The following ABCB11 variants were observed in gnomAD, a reference collection of about 807,000 sequenced individuals.
ABCB11 encodes the protein ATP binding cassette subfamily B member 11.
A neutral mutation model predicts 148.0 loss-of-function variants in ABCB11; 95 were observed. That is an observed-to-expected ratio of 0.64 (90% CI 0.54 to 0.76). The LOEUF is 0.76. Among genes scored for constraint, ABCB11 ranks in the 30% least tolerant of loss-of-function variants. ABCB11 has a pLI of 0.00. For synonymous variants in ABCB11, 591 were observed against 555.4 expected (o/e 1.06, Z -0.90); for missense variants, 1,523 against 1,617.8 (o/e 0.94, Z 1.01).
At position 168,965,606 on chromosome 2, in the gene ABCB11, T is replaced by C. The variant is rs577599708; in HGVS notation, c.2076-1298A>G. On this transcript the variant is annotated intron_variant, in intron 17 of 27. Transcript: ENST00000650372. ...AAGTTGGGTTAGGTTTTCAGTCATT[T>C]GTAAACAGTCTTAATGGTTAAGAGG... Among the ~76,000 whole-genome samples the C allele has an allele frequency of 6.4e-4, 97 of 151,952 alleles. No homozygotes were observed. The Middle Eastern group carries it at 0.017, about 27-fold the overall frequency.
chr2:168,989,020 T>C (rs760089544), intron 9 of ABCB11, among the ~76,000 whole-genome samples: 2 of 152,130 alleles, frequency 1.3e-5, no homozygotes, highest in African/African-American at 2.4e-5. Flanking sequence ...CTTATATGTA[T>C]TGGATATTAA....
At chr2:168,945,850 C>T (rs1242684720) in intron 19 of ABCB11, among the ~76,000 whole-genome samples, 1 of 151,882 alleles carries the variant, frequency 6.6e-6, no homozygotes, top group Non-Finnish European at 1.5e-5. Flanking sequence ...ACTATCAAAG[C>T]ATTGACTGGA....
At chr2:168,929,697 G>A (rs941402705) in intron 25 of ABCB11, among the ~76,000 whole-genome samples, 5 of 152,180 alleles carry the variant, frequency 3.3e-5, no homozygotes, top group African/African-American at 1.2e-4. Context: ...TTTAGAAAGT[G>A]AGAATTCAAG....
intron 8 of ABCB11, among the ~76,000 whole-genome samples, chr2:168,993,432 G>T (rs1694607316): frequency 6.6e-6 from 1 of 152,038 alleles, no homozygotes; most frequent in Non-Finnish European, 1.5e-5. Context: ...GTAAAGATTA[G>T]AGATAATGAC....
intron 21 of ABCB11, among the ~76,000 whole-genome samples, chr2:168,937,339 C>T (rs1691877372): frequency 6.6e-6 from 1 of 152,058 alleles, no homozygotes; most frequent in Non-Finnish European, 1.5e-5. Flanking sequence ...CTTTCAAGTC[C>T]CTGCTTTCAA....
rs143195297 is a variant in ABCB11, at chr2:169,011,347, C to A, written c.389+1925G>T. Among the ~76,000 whole-genome samples, 344 of 152,222 alleles carry A rather than the reference C, an allele frequency of 2.3e-3. 3 individuals carry two copies. Among genetic ancestry groups the A allele is most frequent in the African/African-American group, 7.8e-3 (324 of 41,532 alleles). On this transcript the variant is annotated intron_variant, in intron 5 of 27. Coordinates refer to ENST00000650372, the MANE Select transcript of ABCB11 (RefSeq NM_003742.4). Reference sequence around the variant, plus strand: ...ATTAATCTTATGTTTTGTGGTCAAACCCCTCTGTAAAAAGCAGTTCACTTC... The same window carrying A: ...ATTAATCTTATGTTTTGTGGTCAAAACCCTCTGTAAAAAGCAGTTCACTTC...
intron 10 of ABCB11, among the ~76,000 whole-genome samples, chr2:168,980,441 C>T (rs948554138): frequency 2.0e-5 from 3 of 152,092 alleles, no homozygotes; most frequent in African/African-American, 7.2e-5. Flanking sequence ...CTGTTGTTAC[C>T]GCTATACTAA....
In ABCB11 at chr2:168,944,560, T is replaced by A. The variant is rs564465398; in HGVS notation, c.2610+45A>T. ...TTGTCAGAATGCTCTAATGAAAGAATGCCAATGCAGTTAATATACTTCTAT... is the reference window on the plus strand; with the variant it reads ...TTGTCAGAATGCTCTAATGAAAGAAAGCCAATGCAGTTAATATACTTCTAT... On this transcript the variant is annotated intron_variant, in intron 21 of 27. Transcript: ENST00000650372. The A allele has an allele frequency of 8.5e-6, 13 of 1,529,498 alleles. No individual in the cohort carries two copies. The East Asian group carries it at 2.7e-4, about 32-fold the overall frequency. The allele number at this position is 1,529,498 out of a possible 1,614,324, so 94.7% of individuals were successfully genotyped here.
intron 19 of ABCB11, among the ~76,000 whole-genome samples, chr2:168,951,985 C>T (rs1264907054): frequency 6.6e-6 from 1 of 151,572 alleles, no homozygotes; most frequent in Non-Finnish European, 1.5e-5. Flanking sequence ...TTTTCTGCAT[C>T]TATTGAAATG....
At position 168,969,716 on chromosome 2, in the gene ABCB11, C is replaced by T. The variant is rs541397260; in HGVS notation, c.1810-165G>A. Among the ~76,000 whole-genome samples, 161 of 152,118 alleles carry T rather than the reference C, an allele frequency of 1.1e-3. 1 individual carries two copies. In the Middle Eastern group the frequency reaches 0.014, roughly 13 times the overall value. On this transcript the variant is annotated intron_variant, in intron 15 of 27. Coordinates refer to ENST00000650372, the MANE Select transcript of ABCB11 (RefSeq NM_003742.4). ...AAAGGCCAGCACATTTTCTTGCAGC[C>T]ATAAACCCCAACACACACTGGCCCT...
chr2:168,928,816 T>C (rs909069337), intron 25 of ABCB11, among the ~76,000 whole-genome samples: 4 of 152,224 alleles, frequency 2.6e-5, no homozygotes, highest in Admixed American at 1.3e-4. Flanking sequence ...TCTAGGTTTA[T>C]TGGTTACCAA....
rs773884264 is a variant in ABCB11 at position 169,013,506 on chromosome 2, C to T, written c.155G>A (p.Arg52Gln). ...GVRVGFFQLF[R>Q]FSSSTDIWLM... ...CCAAATGTCAGTTGATGAAGAAAAC[C>T]GAAACTTGAAAAACAAAGGGTTCAG... Residue 52 changes from arginine to glutamine, a missense_variant, in exon 5 of 28, where the codon CGG (arginine) becomes CAG (glutamine). Physicochemically the swap from Arg to Gln is conservative, Grantham distance 43. Coordinates refer to ENST00000650372, the MANE Select transcript of ABCB11 (RefSeq NM_003742.4). The T allele has an allele frequency of 3.3e-5, 54 of 1,612,134 alleles. No individual in the cohort carries two copies. Among genetic ancestry groups the T allele is most frequent in the Middle Eastern group, 1.6e-4 (1 of 6,074 alleles).
intron 26 of ABCB11, among the ~76,000 whole-genome samples, chr2:168,926,355 C>G (rs1422927641): frequency 2.0e-5 from 3 of 152,164 alleles, no homozygotes; most frequent in African/African-American, 7.2e-5. Context: ...GGCAGTAATA[C>G]CAGTGGCCGC....
chr2:168,981,313 C>G lies in ABCB11; in HGVS notation c.1084-1334G>C, dbSNP rs543233360. On this transcript the variant is annotated intron_variant, in intron 10 of 27. Coordinates refer to ENST00000650372, the MANE Select transcript of ABCB11 (RefSeq NM_003742.4). Reference sequence around the variant, plus strand: ...GTGGGTTAGTCCACTCACGCTTTCTCCCTAGAATCCCAGCCTATGCATAGG... The same window carrying G: ...GTGGGTTAGTCCACTCACGCTTTCTGCCTAGAATCCCAGCCTATGCATAGG... Among the ~76,000 whole-genome samples the G allele has an allele frequency of 2.0e-5, 3 of 152,232 alleles. No homozygotes were observed. In the East Asian group the frequency reaches 5.8e-4, roughly 29 times the overall value.
chr2:168,966,648 T>C (rs370770466), intron 17 of ABCB11, among the ~76,000 whole-genome samples: 6 of 152,042 alleles, frequency 3.9e-5, no homozygotes, highest in Non-Finnish European at 5.9e-5. Flanking sequence ...ATTAAATTGT[T>C]CTTGAATTTA....
intron 8 of ABCB11, among the ~76,000 whole-genome samples, chr2:168,991,581 A>G (rs182941426): frequency 4.2e-4 from 64 of 152,222 alleles, no homozygotes; most frequent in African/African-American, 1.5e-3. Flanking sequence ...TAAGAAGAGG[A>G]AAAAACACAT....
In ABCB11 at chr2:169,031,270, C is replaced by A. The variant is rs1356383295; in HGVS notation, c.-73G>T. The A allele has an allele frequency of 6.6e-6, 1 of 152,200 alleles. No individual in the cohort carries two copies. The highest frequency in any genetic ancestry group is 2.4e-5 in the African/African-American group (1 of 41,448). 9.4% of individuals were successfully genotyped at this position (152,200 alleles called of 1,614,324 possible). On this transcript the variant is annotated 5_prime_UTR_variant, in exon 1 of 28. Coordinates refer to ENST00000650372, the MANE Select transcript of ABCB11 (RefSeq NM_003742.4). ...AAGCCAGAGGAAATAATGGACTCCA[C>A]TGTGGAGAGTTAAAAGGTTTCACAA...
intron 16 of ABCB11, 110 bp from the exon 17 acceptor site, chr2:168,968,600 A>G: frequency 1.0e-5 from 9 of 865,434 alleles, no homozygotes; most frequent in Non-Finnish European, 1.4e-5. Context: ...GTCAAATGCC[A>G]AAACATTCTG....
In ABCB11 at chr2:168,969,335, G is replaced by A. The variant is rs372351999; in HGVS notation, c.2011+15C>T. Reference sequence around the variant, plus strand: ...TATTTAATATAACATACAAGTATAGGGAAAAAGCACTTGCCCTTTATGTCC... The same window carrying A: ...TATTTAATATAACATACAAGTATAGAGAAAAAGCACTTGCCCTTTATGTCC... On this transcript the variant is annotated intron_variant, in intron 16 of 27. Coordinates refer to ENST00000650372, the MANE Select transcript of ABCB11 (RefSeq NM_003742.4). 19 of 1,605,476 alleles carry A rather than the reference G, an allele frequency of 1.2e-5. No individual in the cohort carries two copies. The East Asian group carries it at 1.3e-4, about 11-fold the overall frequency.
Sources: gnomAD v4.1 joint callset for allele counts (sites outside exome capture counted in the v4.1 genomes callset) on GRCh38, gnomAD v4.1.1 for gene constraint, MANE v1.5 for transcripts, NCBI Gene and HGNC (gene_info 2026-07-23, HGNC 2026-07-21) for gene names.